Variants in GPCPD1 observed in about 807,000 individuals in gnomAD.
The protein encoded by GPCPD1 is glycerophosphocholine phosphodiesterase 1, also known as glycerophosphocholine phosphodiesterase GPCPD1.
GPCPD1 carries 29 observed loss-of-function variants against 89.2 expected under a neutral mutation model. The ratio of observed to expected loss-of-function variants is 0.33; its 90% CI spans 0.24 to 0.44. The LOEUF (loss-of-function observed/expected upper bound fraction) is 0.44, where lower values mean the gene tolerates loss of function less well. Ranked by LOEUF, GPCPD1 falls within the 20% of genes least tolerant of loss-of-function variation. GPCPD1 has a pLI of 1.00. For synonymous variants in GPCPD1, 258 were observed against 266.3 expected, an observed-to-expected ratio of 0.97 and a Z score of 0.30; for missense variants, 594 against 808.9, an observed-to-expected ratio of 0.73 and a Z score of 3.22.
intron 7 of GPCPD1, among the ~76,000 whole-genome samples, chr20:5,579,312 C>T (rs957157495): frequency 1.2e-4 from 19 of 152,222 alleles, no homozygotes; most frequent in South Asian, 1.0e-3. Context: ...AAAATATTTT[C>T]TCTTTATGGC....
At position 5,567,560 on chromosome 20, in the gene GPCPD1, TCTA is replaced by T; in HGVS notation, c.1150-3_1150-1del. The T allele has an allele frequency of 5.2e-6, 7 of 1,338,862 alleles. No homozygotes were observed. The highest frequency in any genetic ancestry group is 3.0e-5 in the South Asian group (2 of 67,082). 82.9% of individuals were successfully genotyped at this position (1,338,862 alleles called of 1,614,324 possible). A position where few individuals can be genotyped will look rare whatever the true frequency, so the allele number is the denominator to read the frequency against. ...AATTCAACTGGATCAGCATCAAATT[TCTA>T]AAAAAAAAAAAAAAAGAAAGAAAGA... On this transcript the variant is annotated splice_acceptor_variant and splice_polypyrimidine_tract_variant and intron_variant, in intron 12 of 19. Coordinates refer to ENST00000379019, the MANE Select transcript of GPCPD1 (RefSeq NM_019593.5). LOFTEE classifies it high-confidence loss of function.
At position 5,547,695 on chromosome 20, in the gene GPCPD1, T is replaced by C. The variant is rs1327193298; in HGVS notation, c.1985A>G (p.Asp662Gly). The C allele has an allele frequency of 8.1e-6, 13 of 1,608,384 alleles. No homozygotes were observed. Among genetic ancestry groups the C allele is most frequent in the Non-Finnish European group, 1.0e-5 (12 of 1,175,928 alleles). ...CTCCACGTTATCAATGCCGTTGGCA[T>C]CCACATGGATATCAGACTCCCCACA... ...SLCGESDIHV[D>G]ANGIDNVENA Residue 662 changes from aspartate to glycine, a missense_variant, in exon 20 of 20, where the codon GAT (aspartate) becomes GGT (glycine). Physicochemically the swap from Asp to Gly is moderately conservative, Grantham distance 94 (BLOSUM62 -1). Transcript: ENST00000379019.
Position 5,593,245 on chromosome 20 carries a change from T to C in GPCPD1, c.231+82A>G. 3 of 737,084 alleles carry C rather than the reference T, an allele frequency of 4.1e-6. No individual in the cohort carries two copies. The Admixed American group carries it at 6.5e-5, about 16-fold the overall frequency. 45.7% of individuals were successfully genotyped at this position (737,084 alleles called of 1,614,324 possible). A position where few individuals can be genotyped will look rare whatever the true frequency, so the allele number is the denominator to read the frequency against. ...TTATTTGACCAAAGCAAATGCATTT[T>C]ACTTTGAACGTGTTCAAACTTAAGT... is the stretch of plus-strand genomic sequence containing the variant. On this transcript the variant is annotated intron_variant, in intron 4 of 19. Transcript: ENST00000379019.
chr20:5,583,328 G>A (rs1350188026), intron 6 of GPCPD1, among the ~76,000 whole-genome samples: 1 of 151,222 alleles, frequency 6.6e-6, no homozygotes, highest in Non-Finnish European at 1.5e-5. Flanking sequence ...TGGATCACTT[G>A]AGGTCAGGAG....
Position 5,558,221 on chromosome 20 carries a change from A to AT in GPCPD1, c.1669-117dup, listed in dbSNP as rs929417920. ...AGCAGGCGGGAAAAGAAAATGGTAG[A>AT]TTTTTTTCTTCCAATTACTTTAACT... On this transcript the variant is annotated intron_variant, in intron 18 of 19. Coordinates refer to ENST00000379019, the MANE Select transcript of GPCPD1 (RefSeq NM_019593.5). The AT allele has an allele frequency of 3.8e-5, 21 of 553,460 alleles. No individual in the cohort carries two copies. In the East Asian group the frequency reaches 5.2e-4, roughly 14 times the overall value. The allele number at this position is 553,460 out of a possible 1,614,324, so 34.3% of individuals were successfully genotyped here.
intron 2 of GPCPD1, among the ~76,000 whole-genome samples, chr20:5,603,750 T>TC (rs1185929625): frequency 1.3e-5 from 2 of 150,826 alleles, no homozygotes; most frequent in Non-Finnish European, 3.0e-5. Context: ...CTTATTCTTT[T>TC]TTTTTTTTTT....
At position 5,580,716 on chromosome 20, in the gene GPCPD1, A is replaced by G. The variant is rs564918014; in HGVS notation, c.350-585T>C. 6.3e-5 allele frequency among the ~76,000 whole-genome samples: 9 copies of G among 142,268 alleles called. No homozygotes were observed. In the East Asian group the frequency reaches 1.5e-3, roughly 24 times the overall value. 93.3% of individuals were successfully genotyped at this position (142,268 alleles called of 152,430 possible). ...ACTCCAGCCTGGGCGGCAGAGCGAG[A>G]CTCCATCTCACAAAAAAAAAAAAAA... On this transcript the variant is annotated intron_variant, in intron 6 of 19. Transcript: ENST00000379019.
rs1985081593 is a variant in GPCPD1, at chr20:5,547,378, A to T, written c.*283T>A. ...GTTAATTTCAAAGTGCTATGCTTTT[A>T]ATGAACATATGTTTAACATTATAGA... On this transcript the variant is annotated 3_prime_UTR_variant, in exon 20 of 20. Coordinates refer to ENST00000379019, the MANE Select transcript of GPCPD1 (RefSeq NM_019593.5). 1 of 177,290 alleles carries T rather than the reference A, an allele frequency of 5.6e-6. No individual in the cohort carries two copies. The highest frequency in any genetic ancestry group is 1.9e-4 in the South Asian group (1 of 5,130). 11.0% of individuals were successfully genotyped at this position (177,290 alleles called of 1,614,324 possible). A position where few individuals can be genotyped will look rare whatever the true frequency, so the allele number is the denominator to read the frequency against.
chr20:5,586,170 A>G (rs1477683479), intron 5 of GPCPD1, 24 bp downstream of exon 5: 4 of 1,242,284 alleles, frequency 3.2e-6, no homozygotes, highest in Non-Finnish European at 3.6e-6. Flanking sequence ...ATATGCCTCA[A>G]ACAGATGCAG....
At chr20:5,589,790 C>T (rs1273655344) in intron 4 of GPCPD1, among the ~76,000 whole-genome samples, 2 of 152,084 alleles carry the variant, frequency 1.3e-5, no homozygotes, top group Non-Finnish European at 2.9e-5. Context: ...TGAAACAAAA[C>T]ATTCTGGAAA....
intron 3 of GPCPD1, among the ~76,000 whole-genome samples, chr20:5,597,016 A>T (rs1979777916): frequency 6.6e-6 from 1 of 152,194 alleles, no homozygotes; most frequent in Non-Finnish European, 1.5e-5. Context: ...TTTTAGAGAC[A>T]AGTTCAGAAA....
chr20:5,607,500 C>T (rs1316086708), intron 1 of GPCPD1, among the ~76,000 whole-genome samples: 1 of 151,926 alleles, frequency 6.6e-6, no homozygotes, highest in African/African-American at 2.4e-5. Context: ...ATCACTTGAA[C>T]CCAGGAGGTG....
chr20:5,576,468 A>G (rs1479963656), intron 8 of GPCPD1, among the ~76,000 whole-genome samples: 2 of 152,128 alleles, frequency 1.3e-5, no homozygotes, highest in Admixed American at 6.6e-5. Flanking sequence ...AAAGATCAAA[A>G]AGCTCACAAA....
Position 5,593,308 on chromosome 20 carries a change from CTA to C in GPCPD1, c.231+17_231+18del, listed in dbSNP as rs140127351. 3,280 of 1,262,192 alleles carry C rather than the reference CTA, an allele frequency of 2.6e-3. 67 individuals are homozygous for C. In the African/African-American group the frequency reaches 0.043, roughly 16 times the overall value. 78.2% of individuals were successfully genotyped at this position (1,262,192 alleles called of 1,614,324 possible). ...AAGGAAGTGCTAAAGGAATTGGAAA[CTA>C]GATAAAGAAAACATACCTTTGGTTC... is the stretch of plus-strand genomic sequence containing the variant. On this transcript the variant is annotated intron_variant, in intron 4 of 19. Transcript: ENST00000379019.
At chr20:5,570,307 G>A (rs527279552) in intron 11 of GPCPD1, 68 bp from the exon 12 acceptor site, 35 of 743,414 alleles carry the variant, frequency 4.7e-5, no homozygotes, top group African/African-American at 1.6e-4. Context: ...CTGCAAGAAC[G>A]TAAGAAATTT....
chr20:5,570,731 G>A (rs1371319268), intron 11 of GPCPD1, among the ~76,000 whole-genome samples: 2 of 152,156 alleles, frequency 1.3e-5, no homozygotes, highest in East Asian at 1.9e-4. Context: ...ATGTCAGTAC[G>A]GAATGAAAGA....
chr20:5,605,956 A>T (rs1980553323), intron 1 of GPCPD1, among the ~76,000 whole-genome samples: 2 of 152,120 alleles, frequency 1.3e-5, no homozygotes, highest in Non-Finnish European at 2.9e-5. Flanking sequence ...GCTTGGAATC[A>T]CTTTGATTAT....
chr20:5,580,727 CAAA>C (rs35415062), intron 6 of GPCPD1, among the ~76,000 whole-genome samples: 4 of 85,928 alleles, frequency 4.7e-5, no homozygotes, highest in Non-Finnish European at 2.5e-5. Context: ...CTCCATCTCA[CAAA>C]AAAAAAAAAA....
At chr20:5,592,429 G>A (rs1421132897) in intron 4 of GPCPD1, among the ~76,000 whole-genome samples, 1 of 152,168 alleles carries the variant, frequency 6.6e-6, no homozygotes, top group Non-Finnish European at 1.5e-5. Context: ...AACAAGAAAC[G>A]TAATAGGTGC....
Sources: allele counts gnomAD v4.1 joint callset (sites outside exome capture counted in the v4.1 genomes callset), GRCh38; gene constraint gnomAD v4.1.1; transcripts MANE v1.5; gene names NCBI Gene and HGNC (gene_info 2026-07-23, HGNC 2026-07-21).